GRIN2A: variants seen among roughly 807,000 people sequenced by gnomAD.
GRIN2A encodes the protein glutamate ionotropic receptor NMDA type subunit 2A, also known as glutamate receptor ionotropic, NMDA 2A.
A neutral mutation model predicts 113.4 loss-of-function variants in GRIN2A; 22 were observed. The ratio of observed to expected loss-of-function variants is 0.19; its 90% confidence interval spans 0.14 to 0.28. The LOEUF (loss-of-function observed/expected upper bound fraction) is 0.28, where lower values mean the gene tolerates loss of function less well. Ranked by LOEUF, GRIN2A falls within the 10% of genes least tolerant of loss-of-function variation. The probability of loss-of-function intolerance (pLI) is 1.00; values close to 1 mark genes in which losing one functional copy is unlikely to be tolerated. For synonymous variants in GRIN2A, 827 were observed against 738.4 expected (o/e 1.12, Z -1.94); for missense variants, 1,502 against 1,887.0 (o/e 0.80, Z 3.78).
intron 10 of GRIN2A, among the ~76,000 whole-genome samples, chr16:9,820,376 T>C (rs1287772286): frequency 1.3e-5 from 2 of 152,212 alleles, no homozygotes; most frequent in African/African-American, 2.4e-5. Context: ...TCATCAACAA[T>C]TGGTCTTTTC....
intron 11 of GRIN2A, among the ~76,000 whole-genome samples, chr16:9,789,451 T>C (rs1178904331): frequency 6.6e-6 from 1 of 152,178 alleles, no homozygotes; most frequent in Non-Finnish European, 1.5e-5. Flanking sequence ...CCATGAGTTC[T>C]GACTTATGTT....
At chr16:9,803,965 G>A (rs771038067) in intron 10 of GRIN2A, among the ~76,000 whole-genome samples, 17 of 152,182 alleles carry the variant, frequency 1.1e-4, no homozygotes, top group Non-Finnish European at 1.8e-4. Flanking sequence ...CAGAGCGGCC[G>A]GAGTTTCAAT....
chr16:10,050,126 T>A (rs1054230986), intron 2 of GRIN2A, among the ~76,000 whole-genome samples: 2 of 152,216 alleles, frequency 1.3e-5, no homozygotes, highest in African/African-American at 4.8e-5. Flanking sequence ...CTGAAGTCCC[T>A]GGTTTGGCCC....
At chr16:9,792,058 A>G (rs1289446788) in intron 11 of GRIN2A, among the ~76,000 whole-genome samples, 1 of 151,318 alleles carries the variant, frequency 6.6e-6, no homozygotes, top group Admixed American at 6.6e-5. Context: ...AAAGGAACAG[A>G]GGGAACCTGA....
chr16:10,175,712 G>A (rs777780943), intron 2 of GRIN2A, among the ~76,000 whole-genome samples: 9 of 152,156 alleles, frequency 5.9e-5, no homozygotes, highest in Non-Finnish European at 7.3e-5. Flanking sequence ...CATAGAAAAC[G>A]AAACCCAAGT....
intron 3 of GRIN2A, among the ~76,000 whole-genome samples, chr16:9,918,609 A>G (rs1200074510): frequency 6.6e-6 from 1 of 152,204 alleles, no homozygotes; most frequent in East Asian, 1.9e-4. Context: ...CGAAGCACAA[A>G]TTATGTCCAT....
rs2141136446 is a variant in GRIN2A, at chr16:9,764,681, T to C, written c.2863A>G (p.Ile955Val). 6.2e-7 allele frequency: 1 copy of C among 1,614,216 alleles called. No homozygotes were observed. The highest frequency in any genetic ancestry group is 8.5e-7 in the Non-Finnish European group (1 of 1,180,014). ...AGTTCGTTCATGTTGTCTCCAAAAA[T>C]GCTCTCTTTCCCCTGAAAGGACCTG... ...DNRSFQGKESIFGDNMNELQT... is the reference protein window; with the variant it reads ...DNRSFQGKESVFGDNMNELQT... The change falls in exon 13 of 13, where the codon ATT becomes GTT. Residue 955 changes from isoleucine to valine, a missense_variant. Ile to Val is a conservative substitution (Grantham distance 29). Around this residue, in one of 7 missense-constraint regions of GRIN2A, gnomAD observed 832 missense variants for 789.7 expected, o/e 1.05. Coordinates refer to ENST00000330684, the MANE Select transcript of GRIN2A (RefSeq NM_001134407.3).
chr16:9,793,701 C>G (rs974063865), intron 11 of GRIN2A, among the ~76,000 whole-genome samples: 4 of 152,078 alleles, frequency 2.6e-5, no homozygotes, highest in Admixed American at 1.3e-4. Flanking sequence ...CTAGTTATGT[C>G]TCGTATTTCT....
At chr16:10,126,697 T>C (rs1350431455) in intron 2 of GRIN2A, among the ~76,000 whole-genome samples, 2 of 152,232 alleles carry the variant, frequency 1.3e-5, no homozygotes, top group Non-Finnish European at 2.9e-5. Context: ...TGTTGGTTTC[T>C]GTTAATTTTC....
At chr16:9,894,558 C>A (rs977467307) in intron 3 of GRIN2A, among the ~76,000 whole-genome samples, 1 of 152,160 alleles carries the variant, frequency 6.6e-6, no homozygotes, top group African/African-American at 2.4e-5. Context: ...CTCCACCTCA[C>A]ACCTCTTATT....
Position 10,106,741 on chromosome 16 carries a change from G to C in GRIN2A, c.414+73257C>G, listed in dbSNP as rs145222742. On this transcript the variant is annotated intron_variant, in intron 2 of 12. Transcript: ENST00000330684. Reference sequence around the variant, plus strand: ...GGGGAAGTTGGCTCCTTCACTTCTAGAGAAAAAAGGAGAATAAGGCAGGAA... The same window carrying C: ...GGGGAAGTTGGCTCCTTCACTTCTACAGAAAAAAGGAGAATAAGGCAGGAA... Among the ~76,000 whole-genome samples, 449 of 152,152 alleles carry C rather than the reference G, an allele frequency of 3.0e-3. 1 individual carries two copies. Among genetic ancestry groups the C allele is most frequent in the African/African-American group, 0.01 (422 of 41,522 alleles).
intron 4 of GRIN2A, among the ~76,000 whole-genome samples, chr16:9,866,194 C>A (rs1169952752): frequency 7.2e-5 from 11 of 152,092 alleles, no homozygotes; most frequent in African/African-American, 1.4e-4. Context: ...ATGCTAACAG[C>A]CAAAGGGTGA....
intron 2 of GRIN2A, among the ~76,000 whole-genome samples, chr16:10,139,784 C>T (rs536771214): frequency 4.7e-4 from 72 of 152,286 alleles, no homozygotes; most frequent in African/African-American, 1.5e-3. Context: ...TGGTCTGTAT[C>T]AGGTGCAGCA....
At chr16:9,858,770 T>C (rs1418725147) in intron 4 of GRIN2A, among the ~76,000 whole-genome samples, 1 of 152,140 alleles carries the variant, frequency 6.6e-6, no homozygotes, top group Non-Finnish European at 1.5e-5. Context: ...GATAATTTCA[T>C]CTCCAGAAAT....
rs1279639695 is a variant in GRIN2A, at chr16:10,017,036, G to T, written c.415-78485C>A. On this transcript the variant is annotated intron_variant, in intron 2 of 12. Transcript: ENST00000330684. ...ATTGTTTACCAACTAAGGGATCAGA[G>T]CCTATGGGCCTCTTTCTGTCCTCTG... is the stretch of plus-strand genomic sequence containing the variant. 2.0e-5 allele frequency among the ~76,000 whole-genome samples: 3 copies of T among 152,218 alleles called. No individual in the cohort carries two copies. In the East Asian group the frequency reaches 5.8e-4, roughly 29 times the overall value.
chr16:9,764,667 G>A lies in GRIN2A; in HGVS notation c.2877C>T (p.Asn959=), dbSNP rs756576680. Residue 959 remains asparagine, a synonymous_variant, in exon 13 of 13, where the codon AAC becomes AAT. Coordinates refer to ENST00000330684, the MANE Select transcript of GRIN2A (RefSeq NM_001134407.3). The stretch of plus-strand genomic sequence containing the variant: ...CCACAAATGTTTGGAGTTCGTTCAT[G>A]TTGTCTCCAAAAATGCTCTCTTTCC... ...FQGKESIFGD[N]MNELQTFVAN... The A allele has an allele frequency of 4.3e-6, 7 of 1,614,148 alleles. No homozygotes were observed. In the Admixed American group the frequency reaches 5.0e-5, roughly 12 times the overall value.
intron 2 of GRIN2A, among the ~76,000 whole-genome samples, chr16:9,950,122 T>A (rs2045142292): frequency 6.6e-6 from 1 of 152,136 alleles, no homozygotes. Flanking sequence ...TCAGGCAAAG[T>A]GGATTCCTTC....
At chr16:10,142,778 T>C (rs2049353696) in intron 2 of GRIN2A, among the ~76,000 whole-genome samples, 2 of 152,218 alleles carry the variant, frequency 1.3e-5, no homozygotes, top group South Asian at 4.1e-4. Flanking sequence ...CAAGTCCCTG[T>C]CTCTGAATCA....
chr16:9,929,196 G>A (rs2044533915), intron 3 of GRIN2A, among the ~76,000 whole-genome samples: 1 of 152,194 alleles, frequency 6.6e-6, no homozygotes, highest in African/African-American at 2.4e-5. Context: ...GGCTTTGACT[G>A]CCATCAATAA....
Sources: allele counts gnomAD v4.1 joint callset (sites outside exome capture counted in the v4.1 genomes callset), GRCh38; gene constraint gnomAD v4.1.1; regional missense constraint gnomAD v4.1.1; transcripts MANE v1.5; gene names NCBI Gene and HGNC (gene_info 2026-07-23, HGNC 2026-07-21).